DHX8: variants seen among roughly 807,000 people sequenced by gnomAD.
DHX8 encodes ATP-dependent RNA helicase DHX8.
Under a neutral mutation model 140.7 loss-of-function variants are expected in DHX8, and 67 were observed. That is an observed-to-expected ratio of 0.48 (90% CI 0.39 to 0.58). DHX8 has a LOEUF of 0.58. DHX8 is among the 20% of genes least tolerant of loss of function. DHX8 has a pLI of 0.00. For missense variants in DHX8, 887 were observed against 1,550.7 expected, an observed-to-expected ratio of 0.57 and a Z score of 7.19; for synonymous variants, 533 against 553.2, an observed-to-expected ratio of 0.96 and a Z score of 0.51.
At chr17:43,542,758 C>T (rs1412281725) in intron 3 of DHX8, among the ~76,000 whole-genome samples, 1 of 152,208 alleles carries the variant, frequency 6.6e-6, no homozygotes, top group Non-Finnish European at 1.5e-5. Context: ...CCTGTGCCTC[C>T]TCCAAATGCT....
downstream of DHX8, chr17:43,528,483 G>A (rs1970695372): frequency 7.0e-7 from 1 of 1,421,960 alleles, no homozygotes; most frequent in Non-Finnish European, 9.8e-7. Flanking sequence ...ACACAGGGCA[G>A]CACCCACCTG....
intron 1 of DHX8, among the ~76,000 whole-genome samples, chr17:43,487,683 T>C (rs1274915539): frequency 1.3e-5 from 2 of 151,972 alleles, no homozygotes; most frequent in Admixed American, 1.3e-4. Flanking sequence ...ATATTAGAAG[T>C]TTCAAGAACT....
At chr17:43,528,358 C>T (rs560866512), downstream of DHX8, 13 of 543,806 alleles carry the variant, frequency 2.4e-5, no homozygotes, top group Admixed American at 6.4e-5. Context: ...CCAATGACTC[C>T]GGTGAGCAGC....
At chr17:43,518,209 A>G (rs1045984184) in intron 18 of DHX8, 1 of 152,224 alleles carries the variant, frequency 6.6e-6, no homozygotes, top group African/African-American at 2.4e-5. Flanking sequence ...CATCATAGTT[A>G]TTATTCACAC....
intron 11 of DHX8, 109 bp downstream of exon 11, chr17:43,500,212 C>A (rs769113938): frequency 1.0e-4 from 132 of 1,281,660 alleles, no homozygotes; most frequent in Non-Finnish European, 1.4e-4. Flanking sequence ...TGGGCCGGGG[C>A]GGTGGCTCAT....
intron 16 of DHX8, among the ~76,000 whole-genome samples, chr17:43,509,892 C>T (rs1314765864): frequency 6.6e-6 from 1 of 152,184 alleles, no homozygotes; most frequent in Non-Finnish European, 1.5e-5. Context: ...TGGTCTCGAA[C>T]TCCTGACCTC....
intron 11 of DHX8, among the ~76,000 whole-genome samples, chr17:43,503,619 C>T (rs946234513): frequency 1.4e-4 from 21 of 151,986 alleles, no homozygotes; most frequent in Non-Finnish European, 2.8e-4. Flanking sequence ...GCTGAGATCT[C>T]GCCACTGCAC....
At chr17:43,515,576 T>C (rs1970067878) in intron 17 of DHX8, among the ~76,000 whole-genome samples, 1 of 152,228 alleles carries the variant, frequency 6.6e-6, no homozygotes, top group African/African-American at 2.4e-5. Context: ...GTGGTAGATA[T>C]TATTTTCACA....
At chr17:43,542,376 T>A (rs989658436) in intron 3 of DHX8, among the ~76,000 whole-genome samples, 2 of 152,216 alleles carry the variant, frequency 1.3e-5, no homozygotes, top group Non-Finnish European at 2.9e-5. Context: ...CAATGGCCCT[T>A]ACTACCAAAT....
rs1172724461 is a variant in DHX8 at position 43,507,204 on chromosome 17, A to C, written c.1923+7A>C. 3.8e-6 allele frequency: 6 copies of C among 1,596,340 alleles called. No individual in the cohort carries two copies. The highest frequency in any genetic ancestry group is 5.1e-6 in the Non-Finnish European group (6 of 1,171,084). On this transcript the variant is annotated splice_region_variant and intron_variant, in intron 13 of 22. Coordinates refer to ENST00000262415, the MANE Select transcript of DHX8 (RefSeq NM_004941.3). Reference sequence around the variant, plus strand: ...TTGTTGCTTAGGCCAAGAGGTAAGTAGATAGTGGAGTCGCTCGAAAAATAC... The same window carrying C: ...TTGTTGCTTAGGCCAAGAGGTAAGTCGATAGTGGAGTCGCTCGAAAAATAC...
chr17:43,496,674 G>A (rs1178090365), intron 9 of DHX8, among the ~76,000 whole-genome samples: 1 of 152,082 alleles, frequency 6.6e-6, no homozygotes, highest in Non-Finnish European at 1.5e-5. Flanking sequence ...CAGCTACTCG[G>A]GAGTCTGAGG....
At chr17:43,494,536 A>G (rs1423860645) in intron 8 of DHX8, among the ~76,000 whole-genome samples, 3 of 151,824 alleles carry the variant, frequency 2.0e-5, no homozygotes, top group Admixed American at 6.6e-5. Context: ...CCTGACCGGT[A>G]TGGTGAAACC....
In DHX8 at chr17:43,492,758, G is replaced by A. The variant is rs745477265; in HGVS notation, c.581G>A (p.Arg194Gln). The A allele has an allele frequency of 2.6e-5, 42 of 1,613,934 alleles. No homozygotes were observed. Among genetic ancestry groups the A allele is most frequent in the Non-Finnish European group, 3.5e-5 (41 of 1,179,956 alleles). ...RDRDRDRERN[R>Q]DRDHKRRHRS... ...CGAGACAGAGATAGGGAACGAAACCGAGATAGAGACCACAAGCGGAGACAC... is the reference window on the plus strand; with the variant it reads ...CGAGACAGAGATAGGGAACGAAACCAAGATAGAGACCACAAGCGGAGACAC... The change falls in exon 6 of 23, where the codon CGA becomes CAA. Residue 194 changes from arginine to glutamine, a missense_variant. Coordinates refer to ENST00000262415, the MANE Select transcript of DHX8 (RefSeq NM_004941.3).
At chr17:43,510,295 C>T (rs1335268872) in intron 16 of DHX8, among the ~76,000 whole-genome samples, 3 of 151,780 alleles carry the variant, frequency 2.0e-5, no homozygotes, top group Non-Finnish European at 4.4e-5. Flanking sequence ...TGATCTGCCC[C>T]CCTCGGCCTC....
intron 18 of DHX8, chr17:43,519,807 G>T: frequency 4.8e-6 from 1 of 209,540 alleles, no homozygotes; most frequent in Non-Finnish European, 9.6e-6. Context: ...TGGGCATGAT[G>T]GCGGGTGCCT....
intron 3 of DHX8, among the ~76,000 whole-genome samples, chr17:43,542,271 A>T (rs534222524): frequency 6.6e-6 from 1 of 152,222 alleles, no homozygotes; most frequent in South Asian, 2.1e-4. Flanking sequence ...TTTTACACAC[A>T]GTATCAGAGG....
rs375354059 is a variant in DHX8 at position 43,492,868 on chromosome 17, C to A, written c.691C>A (p.Pro231Thr). 1 of 1,614,086 alleles carries A rather than the reference C, an allele frequency of 6.2e-7. No homozygotes were observed. Among genetic ancestry groups the A allele is most frequent in the East Asian group, 2.2e-5 (1 of 44,874 alleles). ...RYRSRSRSQS[P>T]PKDRKDRDKY... ...TCGGTCCAGGAGCAGGAGTCAGAGT[C>A]CCCCCAAAGACCGGAAGGACCGGGA... is the stretch of plus-strand genomic sequence containing the variant. Residue 231 changes from proline to threonine, a missense_variant, in exon 6 of 23, where the codon CCC becomes ACC. Pro to Thr is a conservative substitution (Grantham distance 38). Transcript: ENST00000262415.
At chr17:43,488,587 G>A (rs1243504467) in intron 1 of DHX8, among the ~76,000 whole-genome samples, 1 of 151,426 alleles carries the variant, frequency 6.6e-6, no homozygotes, top group Non-Finnish European at 1.5e-5. Flanking sequence ...CTCCAGCCTG[G>A]GCGACAGAGC....
chr17:43,488,535 C>T (rs887807952), intron 1 of DHX8, among the ~76,000 whole-genome samples: 22 of 151,024 alleles, frequency 1.5e-4, no homozygotes, highest in Non-Finnish European at 3.1e-4. Context: ...GGCGTGAACC[C>T]GGGAGGTGGA....
Sources: allele counts gnomAD v4.1 joint callset (sites outside exome capture counted in the v4.1 genomes callset), GRCh38; gene constraint gnomAD v4.1.1; transcripts MANE v1.5; gene names NCBI Gene and HGNC (gene_info 2026-07-23, HGNC 2026-07-21).